The following HSD17B12 variants were observed in gnomAD, a reference collection of about 807,000 sequenced individuals.
HSD17B12 encodes the protein hydroxysteroid 17-beta dehydrogenase 12.
A neutral mutation model predicts 39.3 loss-of-function variants in HSD17B12; 32 were observed. That is an observed-to-expected ratio of 0.81 (90% CI 0.61 to 1.09). The LOEUF (loss-of-function observed/expected upper bound fraction) is 1.09, where lower values mean the gene tolerates loss of function less well. Ranked by LOEUF, HSD17B12 falls within the 50% of genes least tolerant of loss-of-function variation. The pLI, the probability that HSD17B12 is intolerant of heterozygous loss-of-function variation, is 0.00. For synonymous variants in HSD17B12, 150 were observed against 146.7 expected (o/e 1.02, Z -0.16); for missense variants, 342 against 382.9 (o/e 0.89, Z 0.89).
At chr11:43,607,563 C>G in the HSD17B12 span, among the ~76,000 whole-genome samples, 2 of 152,170 alleles carry the variant, frequency 1.3e-5, no homozygotes, top group Non-Finnish European at 2.9e-5. Flanking sequence ...CAAATAATAA[C>G]TTACTTGATC....
chr11:43,805,677 G>A (rs1176341777), intron 4 of HSD17B12, among the ~76,000 whole-genome samples: 1 of 152,158 alleles, frequency 6.6e-6, no homozygotes, highest in Admixed American at 6.5e-5. Flanking sequence ...TAACTTTTGT[G>A]CTTTCTAAGG....
chr11:43,637,413 A>G, the HSD17B12 span, among the ~76,000 whole-genome samples: 1 of 151,756 alleles, frequency 6.6e-6, no homozygotes, highest in Non-Finnish European at 1.5e-5. Context: ...TAGAGCTGGT[A>G]TTTCACCATG....
intron 1 of HSD17B12, among the ~76,000 whole-genome samples, chr11:43,720,729 A>G (rs1176960131): frequency 2.6e-5 from 4 of 152,210 alleles, no homozygotes; most frequent in African/African-American, 7.2e-5. Flanking sequence ...AGAATAATCT[A>G]TTGCACCTAG....
At position 43,716,376 on chromosome 11, in the gene HSD17B12, A is replaced by C. The variant is rs187338974; in HGVS notation, c.161-34535A>C. Among the ~76,000 whole-genome samples the C allele has an allele frequency of 9.7e-4, 148 of 152,344 alleles. 1 individual carries two copies. The highest frequency in any genetic ancestry group is 1.8e-3 in the Admixed American group (28 of 15,302). ...TAACAAGTCTTCCTACTCTGAGGGT[A>C]AACTTGGGTATTATAAAGAGGCAAT... On this transcript the variant is annotated intron_variant, in intron 1 of 10. Coordinates refer to ENST00000278353, the MANE Select transcript of HSD17B12 (RefSeq NM_016142.3).
At position 43,790,456 on chromosome 11, in the gene HSD17B12, C is replaced by T. The variant is rs555950253; in HGVS notation, c.284-7864C>T. 3.5e-3 allele frequency among the ~76,000 whole-genome samples: 531 copies of T among 152,292 alleles called. 5 individuals carry two copies. Among genetic ancestry groups the T allele is most frequent in the Non-Finnish European group, 5.0e-3 (342 of 68,022 alleles). ...TATTGGCAGATAGAGGAGTCCCCCC[C>T]GTGTCTGCAGGGGATATGCCACAAG... On this transcript the variant is annotated intron_variant, in intron 3 of 10. Coordinates refer to ENST00000278353, the MANE Select transcript of HSD17B12 (RefSeq NM_016142.3).
chr11:43,837,711 G>T (rs1421934825), intron 7 of HSD17B12, among the ~76,000 whole-genome samples: 1 of 152,068 alleles, frequency 6.6e-6, no homozygotes, highest in African/African-American at 2.4e-5. Flanking sequence ...CTACAACCCA[G>T]GGAAAGTAGA....
At chr11:43,582,477 A>G in the HSD17B12 span, among the ~76,000 whole-genome samples, 1 of 152,234 alleles carries the variant, frequency 6.6e-6, no homozygotes. Context: ...GAACACTGCT[A>G]GACGCCCTTG....
the HSD17B12 span, among the ~76,000 whole-genome samples, chr11:43,559,468 CATGT>C: frequency 6.6e-6 from 1 of 152,204 alleles, no homozygotes; most frequent in Non-Finnish European, 1.5e-5. Context: ...CACATGCAGA[CATGT>C]ATGTGCAGTG....
the HSD17B12 span, among the ~76,000 whole-genome samples, chr11:43,558,133 G>T: frequency 6.8e-4 from 103 of 152,234 alleles, 3 homozygotes; most frequent in South Asian, 0.021. Context: ...TTTAATCTGG[G>T]TAAATCCACC....
At position 43,855,124 on chromosome 11, in the gene HSD17B12, C is replaced by T. The variant is rs1177615320; in HGVS notation, c.835-20C>T. The T allele has an allele frequency of 1.3e-6, 2 of 1,489,418 alleles. No individual in the cohort carries two copies. The highest frequency in any genetic ancestry group is 2.8e-5 in the African/African-American group (2 of 71,548). 92.3% of individuals were successfully genotyped at this position (1,489,418 alleles called of 1,614,324 possible). ...AATTGTAGGCTATAATTACATATCT[C>T]TCTCATTCTGTTTCCCTAGGGCTCG... On this transcript the variant is annotated intron_variant, in intron 10 of 10. Transcript: ENST00000278353.
chr11:43,788,685 CA>C (rs57970272), intron 3 of HSD17B12, among the ~76,000 whole-genome samples: 9,335 of 100,726 alleles, frequency 0.093, 242 homozygotes, highest in Middle Eastern at 0.16. Context: ...TTTCCTTCCT[CA>C]AAAAAAAAAA....
upstream of HSD17B12, among the ~76,000 whole-genome samples, chr11:43,678,335 C>G (rs556363163): frequency 7.9e-4 from 120 of 152,114 alleles, no homozygotes; most frequent in Middle Eastern, 3.4e-3. Flanking sequence ...GGATATTAGC[C>G]CTTTGTAAGA....
chr11:43,784,661 G>A (rs971419364), intron 3 of HSD17B12, among the ~76,000 whole-genome samples: 2 of 152,132 alleles, frequency 1.3e-5, no homozygotes, highest in African/African-American at 4.8e-5. Flanking sequence ...ATTTGAAGGA[G>A]CAAGGGTAAT....
chr11:43,750,770 AGATTT>A lies in HSD17B12; in HGVS notation c.161-138_161-134del, dbSNP rs1292527081. ...GCTATTGCGGTGTGTATTCAACCTT[AGATTT>A]GAACCGCTGGTATTGTTCTGTCTTT... is the stretch of plus-strand genomic sequence containing the variant. On this transcript the variant is annotated intron_variant, in intron 1 of 10. Coordinates refer to ENST00000278353, the MANE Select transcript of HSD17B12 (RefSeq NM_016142.3). The A allele has an allele frequency of 1.0e-4, 51 of 493,340 alleles. 1 individual carries two copies. The highest frequency in any genetic ancestry group is 5.1e-4 in the Middle Eastern group (1 of 1,952). The allele number at this position is 493,340 out of a possible 1,614,324, so 30.6% of individuals were successfully genotyped here. A position where few individuals can be genotyped will look rare whatever the true frequency, so the allele number is the denominator to read the frequency against.
chr11:43,640,894 T>C, the HSD17B12 span: 1 of 151,740 alleles, frequency 6.6e-6, no homozygotes, highest in African/African-American at 2.4e-5. Context: ...TCCATCATGA[T>C]TTTTTACAGA....
intron 3 of HSD17B12, among the ~76,000 whole-genome samples, chr11:43,796,044 C>G (rs148627427): frequency 1.7e-3 from 253 of 152,132 alleles, no homozygotes; most frequent in African/African-American, 5.9e-3. Context: ...AAGTTTAAGT[C>G]CCGAGTGTAC....
the HSD17B12 span, among the ~76,000 whole-genome samples, chr11:43,656,528 G>T: frequency 6.6e-6 from 1 of 151,996 alleles, no homozygotes; most frequent in Admixed American, 6.6e-5. Flanking sequence ...GCTTTCTCTT[G>T]TGGGCATTTA....
chr11:43,713,993 G>A (rs1267126381), intron 1 of HSD17B12, among the ~76,000 whole-genome samples: 1 of 151,932 alleles, frequency 6.6e-6, no homozygotes, highest in East Asian at 1.9e-4. Context: ...TTTTATATTT[G>A]TTAGAGTTCT....
At chr11:43,701,614 C>G (rs958754166) in intron 1 of HSD17B12, among the ~76,000 whole-genome samples, 1 of 152,108 alleles carries the variant, frequency 6.6e-6, no homozygotes, top group Admixed American at 6.5e-5. Context: ...ATTCTTGGCA[C>G]CTTTGTTGAA....
Sources: allele counts gnomAD v4.1 joint callset (sites outside exome capture counted in the v4.1 genomes callset), GRCh38; gene constraint gnomAD v4.1.1; transcripts MANE v1.5; gene names NCBI Gene and HGNC (gene_info 2026-07-23, HGNC 2026-07-21).